CTNNA2: variants seen among roughly 807,000 people sequenced by gnomAD.
CTNNA2 encodes catenin alpha 2.
Under a neutral mutation model 101.0 loss-of-function variants are expected in CTNNA2, and 42 were observed. The observed-to-expected ratio is 0.42, with a 90% CI of 0.32 to 0.54. CTNNA2 has a LOEUF of 0.54. CTNNA2 is among the 20% of genes least tolerant of loss of function. The pLI, the probability that CTNNA2 is intolerant of heterozygous loss-of-function variation, is 0.14. For missense variants in CTNNA2, 871 were observed against 1,223.1 expected (o/e 0.71, Z 4.29); for synonymous variants, 450 against 456.4 (o/e 0.99, Z 0.18).
rs1288492027 is a variant in CTNNA2, at chr2:80,405,811, G to A, written c.1137+12520G>A. On this transcript the variant is annotated intron_variant, in intron 8 of 18. Transcript: ENST00000402739. Reference sequence around the variant, plus strand: ...AACCATTTGTCCTGAGGAGTTTGAGGATAAGAGTGGATTTTTCTCTTTGAT... The same window carrying A: ...AACCATTTGTCCTGAGGAGTTTGAGAATAAGAGTGGATTTTTCTCTTTGAT... Among the ~76,000 whole-genome samples, 12 of 152,300 alleles carry A rather than the reference G, an allele frequency of 7.9e-5. 1 individual carries two copies. The South Asian group carries it at 2.3e-3, about 29-fold the overall frequency.
chr2:80,272,944 A>G (rs912050108), intron 7 of CTNNA2, among the ~76,000 whole-genome samples: 3 of 152,094 alleles, frequency 2.0e-5, no homozygotes, highest in African/African-American at 4.8e-5. Flanking sequence ...CTCTTCTTTG[A>G]TCCCCCAAAT....
intron 2 of CTNNA2, among the ~76,000 whole-genome samples, chr2:79,733,548 C>T (rs922121388): frequency 6.6e-6 from 1 of 151,812 alleles, no homozygotes; most frequent in Admixed American, 6.6e-5. Context: ...AACCCACTTA[C>T]CAGGCACGCA....
intron 7 of CTNNA2, among the ~76,000 whole-genome samples, chr2:80,346,942 G>T (rs1672789665): frequency 6.6e-6 from 1 of 152,176 alleles, no homozygotes; most frequent in Non-Finnish European, 1.5e-5. Flanking sequence ...TAAGGAAAAT[G>T]GTCTCTGTGA....
chr2:79,317,105 G>T (rs747469096), intron 3 of CTNNA2, among the ~76,000 whole-genome samples: 5 of 151,880 alleles, frequency 3.3e-5, no homozygotes, highest in African/African-American at 1.2e-4. Flanking sequence ...TTGTGGTGGT[G>T]GTTTTATCAA....
In CTNNA2 at chr2:80,313,416, G is replaced by C. The variant is rs1342654429; in HGVS notation, c.1057-79795G>C. 3 of 1,439,738 alleles carry C rather than the reference G, an allele frequency of 2.1e-6. No individual in the cohort carries two copies. In the Admixed American group the frequency reaches 8.5e-5, roughly 41 times the overall value. The allele number at this position is 1,439,738 out of a possible 1,614,324, so 89.2% of individuals were successfully genotyped here. On this transcript the variant is annotated intron_variant, in intron 7 of 18. Coordinates refer to ENST00000402739, the MANE Select transcript of CTNNA2 (RefSeq NM_001282597.3). The stretch of plus-strand genomic sequence containing the variant: ...AGATAAAATGTGGTGCCTACCCTGT[G>C]TGTTCACAGTTCTGGAGTGGAGATG...
At chr2:80,232,424 G>A (rs1424253899) in intron 7 of CTNNA2, among the ~76,000 whole-genome samples, 2 of 118,672 alleles carry the variant, frequency 1.7e-5, no homozygotes, top group African/African-American at 6.1e-5. Flanking sequence ...CTTAGAAATT[G>A]TAACCTCTTT....
At chr2:80,542,355 A>G (rs1691648344) in intron 9 of CTNNA2, among the ~76,000 whole-genome samples, 1 of 151,980 alleles carries the variant, frequency 6.6e-6, no homozygotes, top group Non-Finnish European at 1.5e-5. Flanking sequence ...GATTGCATGT[A>G]TGTACTTTTA....
intron 2 of CTNNA2, among the ~76,000 whole-genome samples, chr2:79,709,789 A>G (rs115169309): frequency 1.0e-3 from 154 of 152,242 alleles, no homozygotes; most frequent in African/African-American, 3.5e-3. Flanking sequence ...AGCGAGACCA[A>G]AACAAGGAAG....
At chr2:79,773,944 A>T (rs1461264519) in intron 3 of CTNNA2, among the ~76,000 whole-genome samples, 2 of 151,728 alleles carry the variant, frequency 1.3e-5, no homozygotes, top group African/African-American at 2.4e-5. Context: ...TATTATAGAG[A>T]CTCGAGTCCC....
chr2:80,078,035 C>G (rs1023728078), intron 7 of CTNNA2, among the ~76,000 whole-genome samples: 5 of 151,950 alleles, frequency 3.3e-5, no homozygotes, highest in Non-Finnish European at 4.4e-5. Context: ...AAAGATTCCA[C>G]TTGTCCTACA....
At chr2:80,568,176 C>T (rs1353667109) in intron 12 of CTNNA2, among the ~76,000 whole-genome samples, 1 of 152,198 alleles carries the variant, frequency 6.6e-6, no homozygotes, top group Non-Finnish European at 1.5e-5. Flanking sequence ...AAGGTCCCTA[C>T]AGACCAAACC....
chr2:80,596,002 A>C (rs1348064129), intron 15 of CTNNA2, among the ~76,000 whole-genome samples: 1 of 152,118 alleles, frequency 6.6e-6, no homozygotes, highest in African/African-American at 2.4e-5. Flanking sequence ...TGAGCATGGA[A>C]TGTTTTTCCA....
At chr2:79,793,918 ACAG>A (rs1308299003) in intron 3 of CTNNA2, among the ~76,000 whole-genome samples, 4 of 149,890 alleles carry the variant, frequency 2.7e-5, no homozygotes, top group Non-Finnish European at 5.9e-5. Flanking sequence ...ACACACACAC[ACAG>A]AAGAAGGAGA....
chr2:79,278,721 C>A (rs1415178618), intron 2 of CTNNA2, among the ~76,000 whole-genome samples: 1 of 152,100 alleles, frequency 6.6e-6, no homozygotes, highest in African/African-American at 2.4e-5. Context: ...ATTGCCTAGA[C>A]CAACTTGAAT....
intron 18 of CTNNA2, among the ~76,000 whole-genome samples, chr2:80,625,750 C>A (rs970873052): frequency 6.6e-6 from 1 of 152,024 alleles, no homozygotes; most frequent in African/African-American, 2.4e-5. Flanking sequence ...ATTTTGAAGT[C>A]TATCAGTCAT....
chr2:79,616,554 A>G (rs1382989631), intron 1 of CTNNA2, among the ~76,000 whole-genome samples: 2 of 152,212 alleles, frequency 1.3e-5, no homozygotes, highest in African/African-American at 4.8e-5. Flanking sequence ...AGAAGCTACA[A>G]CTTACCATTG....
chr2:79,338,575 A>ATATTCTTCTTCTTCTTCTTCTACTTCT (rs879675967), intron 3 of CTNNA2, among the ~76,000 whole-genome samples: 1 of 115,422 alleles, frequency 8.7e-6, no homozygotes, highest in African/African-American at 3.4e-5. Flanking sequence ...CTTCCTCCTC[A>ATATTCTTCTTCTTCTTCTTCTACTTCT]TCATCTTCTT....
chr2:79,398,517 G>A (rs879421421), intron 4 of CTNNA2, among the ~76,000 whole-genome samples: 1 of 152,070 alleles, frequency 6.6e-6, no homozygotes, highest in Non-Finnish European at 1.5e-5. Flanking sequence ...TACTTTTGAT[G>A]CTGCCAGTAT....
At chr2:79,397,418 T>G (rs2104477526) in intron 4 of CTNNA2, among the ~76,000 whole-genome samples, 1 of 152,258 alleles carries the variant, frequency 6.6e-6, no homozygotes, top group South Asian at 2.1e-4. Context: ...ATCAGTATTC[T>G]TTGAGGAAGT....
Sources: gnomAD v4.1 joint callset for allele counts (sites outside exome capture counted in the v4.1 genomes callset) on GRCh38, gnomAD v4.1.1 for gene constraint, MANE v1.5 for transcripts, NCBI Gene and HGNC (gene_info 2026-07-23, HGNC 2026-07-21) for gene names.